The following EVI5 variants were observed in gnomAD, a reference collection of about 807,000 sequenced individuals.
The protein encoded by EVI5 is ecotropic viral integration site 5.
EVI5 carries 73 observed loss-of-function variants against 112.0 expected under a neutral mutation model. The observed-to-expected ratio is 0.65, with a 90% CI of 0.54 to 0.79. EVI5 has a LOEUF of 0.79. Ranked by LOEUF, EVI5 falls within the 30% of genes least tolerant of loss-of-function variation. The pLI is 0.00. For synonymous variants in EVI5, 305 were observed against 319.9 expected, an observed-to-expected ratio of 0.95 and a Z score of 0.50; for missense variants, 900 against 968.8, an observed-to-expected ratio of 0.93 and a Z score of 0.94.
In EVI5 at chr1:92,591,537, G is replaced by C. The variant is rs372740932; in HGVS notation, c.2070+13770C>G. ...AGAAGGCCATTACATAATGGTAAAG[G>C]GATCAATTCAACAAGAAGACCTAAC... On this transcript the variant is annotated intron_variant, in intron 18 of 19. Transcript: ENST00000684568. Among the ~76,000 whole-genome samples the C allele has an allele frequency of 3.9e-5, 6 of 152,162 alleles. No homozygotes were observed. The South Asian group carries it at 1.2e-3, about 32-fold the overall frequency.
chr1:92,710,417 C>A (rs1261969233), intron 2 of EVI5, among the ~76,000 whole-genome samples: 1 of 152,102 alleles, frequency 6.6e-6, no homozygotes, highest in Non-Finnish European at 1.5e-5. Flanking sequence ...TCATAATCTC[C>A]TTCTAACACA....
intron 2 of EVI5, among the ~76,000 whole-genome samples, chr1:92,726,200 TAAG>T (rs1355648792): frequency 2.0e-5 from 3 of 152,068 alleles, no homozygotes; most frequent in African/African-American, 7.2e-5. Flanking sequence ...TATAAATCCA[TAAG>T]AAGTTCAATA....
chr1:92,530,466 T>C (rs980528882), intron 19 of EVI5, among the ~76,000 whole-genome samples: 1 of 152,002 alleles, frequency 6.6e-6, no homozygotes, highest in African/African-American at 2.4e-5. Flanking sequence ...CTCAAGTGGG[T>C]TCCTGACCCC....
At chr1:92,694,468 G>A in intron 7 of EVI5, 80 bp from the exon 8 acceptor site, 1 of 803,150 alleles carries the variant, frequency 1.2e-6, no homozygotes, top group East Asian at 2.5e-5. Flanking sequence ...TAATACTAAG[G>A]TAAACATTTA....
At chr1:92,638,453 G>A (rs552420005) in intron 13 of EVI5, among the ~76,000 whole-genome samples, 7 of 152,172 alleles carry the variant, frequency 4.6e-5, no homozygotes, top group African/African-American at 1.7e-4. Flanking sequence ...TCATCATGAT[G>A]GTGGCCAATT....
At chr1:92,681,423 A>G (rs539059743) in intron 9 of EVI5, among the ~76,000 whole-genome samples, 1 of 152,312 alleles carries the variant, frequency 6.6e-6, no homozygotes, top group East Asian at 1.9e-4. Context: ...CTTGGTAAAG[A>G]GTATATCGTA....
chr1:92,755,068 G>GTTTT (rs3216193), intron 1 of EVI5, among the ~76,000 whole-genome samples: 2 of 33,580 alleles, frequency 6.0e-5, no homozygotes, highest in African/African-American at 9.3e-5. Context: ...GTGAACATAG[G>GTTTT]TTTTTTTTTT....
At chr1:92,563,130 A>G (rs1476168475) in intron 19 of EVI5, among the ~76,000 whole-genome samples, 1 of 152,130 alleles carries the variant, frequency 6.6e-6, no homozygotes. Flanking sequence ...TGAATCTCAC[A>G]GATTCAAGGT....
At chr1:92,768,711 C>T (rs1352018657) in intron 1 of EVI5, among the ~76,000 whole-genome samples, 1 of 152,060 alleles carries the variant, frequency 6.6e-6, no homozygotes, top group African/African-American at 2.4e-5. Flanking sequence ...CCCATCTCTA[C>T]AAAAAATACA....
chr1:92,621,367 G>A (rs1654539266), intron 16 of EVI5, among the ~76,000 whole-genome samples: 1 of 152,206 alleles, frequency 6.6e-6, no homozygotes, highest in African/African-American at 2.4e-5. Flanking sequence ...GGAGTGCAGT[G>A]GCGTGATCTT....
chr1:92,714,137 T>G (rs750206282), intron 2 of EVI5: 264 of 983,130 alleles, frequency 2.7e-4, no homozygotes, highest in Middle Eastern at 5.2e-4. Context: ...AATAGATCTT[T>G]GACATTACAT....
chr1:92,590,005 G>C (rs906679835), intron 18 of EVI5, among the ~76,000 whole-genome samples: 2 of 152,158 alleles, frequency 1.3e-5, no homozygotes, highest in African/African-American at 2.4e-5. Context: ...AGGCAAACAG[G>C]GTCTGGAGTG....
At chr1:92,526,777 T>C (rs1661951303) in intron 19 of EVI5, among the ~76,000 whole-genome samples, 2 of 152,180 alleles carry the variant, frequency 1.3e-5, no homozygotes, top group Non-Finnish European at 2.9e-5. Flanking sequence ...GGTGGATACA[T>C]GTCATTATAC....
intron 19 of EVI5, among the ~76,000 whole-genome samples, chr1:92,527,556 CAT>C (rs1485356273): frequency 1.3e-5 from 2 of 151,942 alleles, no homozygotes; most frequent in South Asian, 2.1e-4. Context: ...TACTTACATA[CAT>C]AGTCATGAAA....
intron 2 of EVI5, among the ~76,000 whole-genome samples, chr1:92,720,783 A>G (rs1674615296): frequency 6.6e-6 from 1 of 152,242 alleles, no homozygotes; most frequent in Non-Finnish European, 1.5e-5. Flanking sequence ...CCAACTGACA[A>G]AGGGCTAATA....
chr1:92,734,259 T>A (rs938275290), intron 2 of EVI5, among the ~76,000 whole-genome samples: 1 of 152,216 alleles, frequency 6.6e-6, no homozygotes, highest in African/African-American at 2.4e-5. Context: ...CCACTTCCAG[T>A]AGGATTCATC....
chr1:92,612,571 G>A (rs868302907), intron 16 of EVI5, among the ~76,000 whole-genome samples: 1 of 152,034 alleles, frequency 6.6e-6, no homozygotes, highest in African/African-American at 2.4e-5. Flanking sequence ...TTAGCCAGAT[G>A]TGGTAGCATG....
At chr1:92,552,565 C>T (rs1399789534) in intron 19 of EVI5, among the ~76,000 whole-genome samples, 6 of 152,206 alleles carry the variant, frequency 3.9e-5, no homozygotes, top group African/African-American at 1.4e-4. Flanking sequence ...ATATCCAAGA[C>T]TGACTTTACA....
chr1:92,673,185 CT>C (rs35702596), intron 10 of EVI5, among the ~76,000 whole-genome samples: 22 of 123,566 alleles, frequency 1.8e-4, no homozygotes, highest in African/African-American at 3.2e-4. Context: ...TAACACTTCT[CT>C]TTTTTTTTTT....
Sources: gnomAD v4.1 joint callset for allele counts (sites outside exome capture counted in the v4.1 genomes callset) on GRCh38, gnomAD v4.1.1 for gene constraint, MANE v1.5 for transcripts, NCBI Gene and HGNC (gene_info 2026-07-23, HGNC 2026-07-21) for gene names.